The following NLGN1 variants were observed in gnomAD, a reference collection of about 807,000 sequenced individuals.
The protein encoded by NLGN1 is neuroligin 1, also known as neuroligin-1.
A neutral mutation model predicts 65.5 loss-of-function variants in NLGN1; 12 were observed. That is an observed-to-expected ratio of 0.18 (90% CI 0.12 to 0.30). NLGN1 has a LOEUF of 0.30. Ranked by LOEUF, NLGN1 falls within the 10% of genes least tolerant of loss-of-function variation. The probability of loss-of-function intolerance (pLI) is 1.00; values close to 1 mark genes in which losing one functional copy is unlikely to be tolerated. For missense variants in NLGN1, 750 were observed against 1,007.1 expected, an observed-to-expected ratio of 0.74 and a Z score of 3.46; for synonymous variants, 350 against 359.5, an observed-to-expected ratio of 0.97 and a Z score of 0.30.
intron 4 of NLGN1, among the ~76,000 whole-genome samples, chr3:173,831,609 A>C (rs973304093): frequency 6.6e-6 from 1 of 152,224 alleles, no homozygotes; most frequent in African/African-American, 2.4e-5. Flanking sequence ...CAATGTTTGT[A>C]CTTTCTACAA....
At chr3:174,066,675 A>T (rs1372772780) in intron 4 of NLGN1, among the ~76,000 whole-genome samples, 2 of 151,872 alleles carry the variant, frequency 1.3e-5, no homozygotes, top group East Asian at 3.9e-4. Flanking sequence ...AATATGTATT[A>T]CATGATCTAA....
At chr3:173,498,603 G>T (rs1439409519) in intron 2 of NLGN1, among the ~76,000 whole-genome samples, 1 of 151,758 alleles carries the variant, frequency 6.6e-6, no homozygotes. Flanking sequence ...GGTATTTCTA[G>T]TTCTAGATCC....
At chr3:174,271,227 C>G (rs922862057) in intron 4 of NLGN1, among the ~76,000 whole-genome samples, 2 of 151,782 alleles carry the variant, frequency 1.3e-5, no homozygotes, top group African/African-American at 4.8e-5. Flanking sequence ...GAAGGAAGCA[C>G]AGCTACAGTA....
chr3:173,447,874 T>A (rs1233793223), intron 2 of NLGN1, among the ~76,000 whole-genome samples: 1 of 152,108 alleles, frequency 6.6e-6, no homozygotes, highest in Non-Finnish European at 1.5e-5. Flanking sequence ...CTGTTATTGG[T>A]GTGTATAAGA....
chr3:174,261,504 A>C (rs1746899691), intron 4 of NLGN1, among the ~76,000 whole-genome samples: 1 of 148,856 alleles, frequency 6.7e-6, no homozygotes, highest in Non-Finnish European at 1.5e-5. Context: ...TTTGGTGTAT[A>C]AGAATGCTTG....
At chr3:174,095,069 T>A (rs965862102) in intron 4 of NLGN1, among the ~76,000 whole-genome samples, 64 of 152,128 alleles carry the variant, frequency 4.2e-4, no homozygotes, top group Admixed American at 5.9e-4. Flanking sequence ...AAGGGAGGGA[T>A]TAAGGACTGG....
At chr3:173,793,669 A>G (rs1713313021) in intron 3 of NLGN1, among the ~76,000 whole-genome samples, 1 of 152,166 alleles carries the variant, frequency 6.6e-6, no homozygotes, top group South Asian at 2.1e-4. Flanking sequence ...TGGTGACATT[A>G]ATTTTACTTG....
intron 4 of NLGN1, among the ~76,000 whole-genome samples, chr3:174,119,730 T>C (rs1233280082): frequency 6.6e-6 from 1 of 152,228 alleles, no homozygotes; most frequent in Non-Finnish European, 1.5e-5. Context: ...CCCATCACTT[T>C]AAGATTTACC....
intron 3 of NLGN1, among the ~76,000 whole-genome samples, chr3:173,659,059 T>A (rs146411668): frequency 6.6e-6 from 1 of 152,142 alleles, no homozygotes; most frequent in East Asian, 1.9e-4. Context: ...AGCCTTGCAT[T>A]ATCTCATTAG....
the NLGN1 span, among the ~76,000 whole-genome samples, chr3:174,293,818 G>T: frequency 6.6e-6 from 1 of 151,422 alleles, no homozygotes; most frequent in Non-Finnish European, 1.5e-5. Flanking sequence ...TCATCATGTG[G>T]AAAAAAGTGT....
At chr3:173,617,125 C>T (rs1390264333) in intron 3 of NLGN1, among the ~76,000 whole-genome samples, 1 of 152,112 alleles carries the variant, frequency 6.6e-6, no homozygotes, top group Admixed American at 6.6e-5. Context: ...TCATGTCAGA[C>T]TAAGTTTTAT....
chr3:173,585,072 G>A, intron 2 of NLGN1: 1 of 152,350 alleles, frequency 6.6e-6, no homozygotes, highest in South Asian at 2.1e-4. Flanking sequence ...GGGGCTGCCA[G>A]GGTTTTGTGC....
chr3:173,984,239 G>T (rs1341541951), intron 4 of NLGN1, among the ~76,000 whole-genome samples: 1 of 152,144 alleles, frequency 6.6e-6, no homozygotes, highest in Non-Finnish European at 1.5e-5. Context: ...TCCTGCTTCT[G>T]CTGGCTTATT....
intron 4 of NLGN1, among the ~76,000 whole-genome samples, chr3:173,896,289 T>C (rs1736343100): frequency 6.6e-6 from 1 of 152,184 alleles, no homozygotes; most frequent in South Asian, 2.1e-4. Flanking sequence ...GGGGGAATCA[T>C]TCTGCCCATC....
chr3:173,911,368 CTT>C (rs549172281), intron 4 of NLGN1, among the ~76,000 whole-genome samples: 86 of 152,298 alleles, frequency 5.6e-4, no homozygotes, highest in African/African-American at 2.0e-3. Context: ...AATGATCAAA[CTT>C]TATGAGAATG....
chr3:174,176,053 T>G (rs1359467282), intron 4 of NLGN1, among the ~76,000 whole-genome samples: 1 of 151,994 alleles, frequency 6.6e-6, no homozygotes, highest in East Asian at 1.9e-4. Context: ...GGAGGACTTT[T>G]GTACTTAATA....
chr3:173,536,766 CGT>C (rs772493207), intron 2 of NLGN1, among the ~76,000 whole-genome samples: 12 of 151,262 alleles, frequency 7.9e-5, no homozygotes, highest in South Asian at 4.2e-4. Flanking sequence ...CACGAGTGTG[CGT>C]GTGTGTGTGT....
intron 3 of NLGN1, among the ~76,000 whole-genome samples, chr3:173,744,149 A>G (rs1045519262): frequency 2.0e-5 from 3 of 152,118 alleles, no homozygotes; most frequent in Admixed American, 1.3e-4. Context: ...TTAGTTATGA[A>G]ACCTAAAACC....
intron 3 of NLGN1, among the ~76,000 whole-genome samples, chr3:173,800,863 T>TA (rs1215197696): frequency 2.2e-4 from 33 of 152,122 alleles, no homozygotes; most frequent in Admixed American, 3.9e-4. Flanking sequence ...TATTTTAATG[T>TA]AAAAAATACT....
Sources: allele counts gnomAD v4.1 joint callset (sites outside exome capture counted in the v4.1 genomes callset), GRCh38; gene constraint gnomAD v4.1.1; transcripts MANE v1.5; gene names NCBI Gene and HGNC (gene_info 2026-07-23, HGNC 2026-07-21).